The following NUBPL variants were observed in gnomAD, a reference collection of about 807,000 sequenced individuals.
The protein encoded by NUBPL is iron-sulfur cluster transfer protein NUBPL.
NUBPL carries 31 observed loss-of-function variants against 45.7 expected under a neutral mutation model. The observed-to-expected ratio is 0.68, with a 90% CI of 0.51 to 0.92. The LOEUF is 0.92. Among genes scored for constraint, NUBPL ranks in the 40% least tolerant of loss-of-function variants. NUBPL has a pLI of 0.00. For missense variants in NUBPL, 401 were observed against 398.7 expected, an observed-to-expected ratio of 1.01 and a Z score of -0.05; for synonymous variants, 144 against 140.9, an observed-to-expected ratio of 1.02 and a Z score of -0.15.
At chr14:31,814,408 A>C (rs1259077297) in intron 7 of NUBPL, among the ~76,000 whole-genome samples, 1 of 151,862 alleles carries the variant, frequency 6.6e-6, no homozygotes, top group Non-Finnish European at 1.5e-5. Context: ...AAATTTGTTT[A>C]AGTTCCTTGT....
intron 8 of NUBPL, among the ~76,000 whole-genome samples, chr14:31,840,884 C>T (rs373013587): frequency 7.9e-4 from 120 of 152,150 alleles, no homozygotes; most frequent in African/African-American, 2.7e-3. Context: ...AAATGGAACC[C>T]GAATTATAAC....
At chr14:31,808,769 T>C (rs2039741685) in intron 7 of NUBPL, among the ~76,000 whole-genome samples, 1 of 152,200 alleles carries the variant, frequency 6.6e-6, no homozygotes, top group South Asian at 2.1e-4. Flanking sequence ...TAAATAGCTC[T>C]TATTATTTTG....
rs2040434395 is a variant in NUBPL, at chr14:31,845,246, A to G, written c.694-1225A>G. On this transcript the variant is annotated intron_variant, in intron 8 of 10. Transcript: ENST00000281081. ...TGTAGCAGAATCTAGGGAAACTTAG[A>G]AAGAGAATGACCTTTTCTATGAAAC... 2.0e-5 allele frequency: 3 copies of G among 152,250 alleles called. No homozygotes were observed. The South Asian group carries it at 6.2e-4, about 31-fold the overall frequency. The allele number at this position is 152,250 out of a possible 1,614,324, so 9.4% of individuals were successfully genotyped here.
At chr14:31,678,919 A>G (rs1304885043) in intron 6 of NUBPL, among the ~76,000 whole-genome samples, 1 of 152,100 alleles carries the variant, frequency 6.6e-6, no homozygotes, top group African/African-American at 2.4e-5. Context: ...AGAATCCCAG[A>G]GCACTCCAGC....
chr14:31,847,287 G>T (rs2040468734), intron 9 of NUBPL, among the ~76,000 whole-genome samples: 1 of 152,162 alleles, frequency 6.6e-6, no homozygotes, highest in Non-Finnish European at 1.5e-5. Context: ...CTCTAAAAGT[G>T]TTCGTTCTTA....
intron 3 of NUBPL, among the ~76,000 whole-genome samples, chr14:31,578,467 T>C (rs770470769): frequency 3.3e-5 from 5 of 152,170 alleles, no homozygotes; most frequent in African/African-American, 9.7e-5. Context: ...CTTTTGGCAA[T>C]TGCACTATGT....
At chr14:31,588,320 A>G (rs56114299) in intron 3 of NUBPL, among the ~76,000 whole-genome samples, 4,918 of 152,320 alleles carry the variant, frequency 0.032, 121 homozygotes, top group South Asian at 0.051. Flanking sequence ...AAGTATATGT[A>G]CTGTGTGCAT....
chr14:31,752,940 G>A (rs79758033), intron 6 of NUBPL, among the ~76,000 whole-genome samples: 6 of 152,116 alleles, frequency 3.9e-5, no homozygotes, highest in Non-Finnish European at 1.5e-5. Flanking sequence ...AGAGAGAAGG[G>A]GGAAGTGCCA....
intron 7 of NUBPL, among the ~76,000 whole-genome samples, chr14:31,824,834 T>C (rs2040072058): frequency 6.6e-6 from 1 of 152,176 alleles, no homozygotes; most frequent in Non-Finnish European, 1.5e-5. Flanking sequence ...GGGCTCTGAA[T>C]TGTCACAGCA....
In NUBPL at chr14:31,666,141, A is replaced by T. The variant is rs1187949552; in HGVS notation, c.383-7214A>T. On this transcript the variant is annotated intron_variant, in intron 4 of 10. Coordinates refer to ENST00000281081, the MANE Select transcript of NUBPL (RefSeq NM_025152.3). The stretch of plus-strand genomic sequence containing the variant: ...GTCTTTGCATGAGATGGGTCTCCTG[A>T]ATACAGTACACTGATGGGTCTTGAC... 3.4e-5 allele frequency among the ~76,000 whole-genome samples: 5 copies of T among 148,244 alleles called. No homozygotes were observed. In the Admixed American group the frequency reaches 3.4e-4, roughly 10 times the overall value.
chr14:31,679,938 A>C (rs1011848448), intron 6 of NUBPL, among the ~76,000 whole-genome samples: 4 of 152,102 alleles, frequency 2.6e-5, no homozygotes, highest in African/African-American at 9.7e-5. Context: ...AGTTTTTAGC[A>C]TATAGGTCTT....
chr14:31,653,500 G>C (rs1250710328), intron 4 of NUBPL, among the ~76,000 whole-genome samples: 2 of 152,156 alleles, frequency 1.3e-5, no homozygotes, highest in Non-Finnish European at 2.9e-5. Context: ...CTGTTTATAG[G>C]CTGTCTGCAA....
chr14:31,654,524 T>A (rs555314804), intron 4 of NUBPL, among the ~76,000 whole-genome samples: 1 of 151,926 alleles, frequency 6.6e-6, no homozygotes, highest in South Asian at 2.1e-4. Context: ...TTCTCCTGCC[T>A]CAGCCTCCAG....
At chr14:31,803,641 G>C (rs1427793955) in intron 7 of NUBPL, among the ~76,000 whole-genome samples, 1 of 152,084 alleles carries the variant, frequency 6.6e-6, no homozygotes, top group Non-Finnish European at 1.5e-5. Flanking sequence ...TGCAAATGTT[G>C]GGCAGAGTTG....
chr14:31,707,496 T>C (rs746123428), intron 6 of NUBPL, among the ~76,000 whole-genome samples: 8 of 152,248 alleles, frequency 5.3e-5, no homozygotes, highest in Non-Finnish European at 7.3e-5. Flanking sequence ...TCTTTGACTT[T>C]TTGTCTCTCT....
intron 4 of NUBPL, among the ~76,000 whole-genome samples, chr14:31,603,596 G>A (rs2034505328): frequency 6.6e-6 from 1 of 152,074 alleles, no homozygotes. Flanking sequence ...AGAGGCTTTT[G>A]TTTGTGGTTT....
chr14:31,638,589 G>A (rs949560494), intron 4 of NUBPL, among the ~76,000 whole-genome samples: 3 of 152,052 alleles, frequency 2.0e-5, no homozygotes, highest in African/African-American at 7.2e-5. Flanking sequence ...TTCTCGAGGA[G>A]TATCTTTGTG....
intron 6 of NUBPL, among the ~76,000 whole-genome samples, chr14:31,714,376 C>G (rs768072512): frequency 1.1e-4 from 17 of 152,018 alleles, no homozygotes; most frequent in Admixed American, 3.9e-4. Context: ...ATACCTGAAA[C>G]TGGGTAATTT....
chr14:31,684,526 C>A (rs1445503391), intron 6 of NUBPL, among the ~76,000 whole-genome samples: 1 of 152,164 alleles, frequency 6.6e-6, no homozygotes, highest in Non-Finnish European at 1.5e-5. Flanking sequence ...GAATACAGAT[C>A]GGAAAGCTGC....
Sources: allele counts gnomAD v4.1 joint callset (sites outside exome capture counted in the v4.1 genomes callset), GRCh38; gene constraint gnomAD v4.1.1; transcripts MANE v1.5; gene names NCBI Gene and HGNC (gene_info 2026-07-23, HGNC 2026-07-21).